BBS9: variants seen among roughly 807,000 people sequenced by gnomAD.
BBS9 encodes Bardet-Biedl syndrome 9, also known as protein PTHB1.
Under a neutral mutation model 117.7 loss-of-function variants are expected in BBS9, and 89 were observed. That is an observed-to-expected ratio of 0.76 (90% CI 0.64 to 0.90). The LOEUF (loss-of-function observed/expected upper bound fraction) is 0.90. Ranked by LOEUF, BBS9 falls within the 40% of genes least tolerant of loss-of-function variation. The probability of loss-of-function intolerance (pLI) is 0.00; values close to 1 mark genes in which losing one functional copy is unlikely to be tolerated. For missense variants in BBS9, 982 were observed against 1,042.2 expected, an observed-to-expected ratio of 0.94 and a Z score of 0.80; for synonymous variants, 379 against 370.9, an observed-to-expected ratio of 1.02 and a Z score of -0.25.
intron 19 of BBS9, among the ~76,000 whole-genome samples, chr7:33,401,062 A>C (rs140848503): frequency 6.6e-6 from 1 of 152,134 alleles, no homozygotes; most frequent in African/African-American, 2.4e-5. Context: ...TATGATTTCC[A>C]TATCTCTTAT....
At chr7:33,467,427 T>C (rs1022467910) in intron 19 of BBS9, among the ~76,000 whole-genome samples, 2 of 152,176 alleles carry the variant, frequency 1.3e-5, no homozygotes, top group African/African-American at 2.4e-5. Context: ...TTTAATTCAT[T>C]TGTGATTTCC....
intron 4 of BBS9, among the ~76,000 whole-genome samples, chr7:33,168,636 A>G (rs1796055766): frequency 6.6e-6 from 1 of 152,064 alleles, no homozygotes; most frequent in Non-Finnish European, 1.5e-5. Context: ...ACCACACAAG[A>G]TTTCCATAAA....
chr7:33,263,911 T>A (rs1208651896), intron 6 of BBS9, among the ~76,000 whole-genome samples: 1 of 152,144 alleles, frequency 6.6e-6, no homozygotes, highest in East Asian at 1.9e-4. Context: ...AGATTATGTA[T>A]TGATAATTTC....
intron 1 of BBS9, among the ~76,000 whole-genome samples, chr7:33,130,399 G>T (rs1789400034): frequency 6.6e-6 from 1 of 152,120 alleles, no homozygotes; most frequent in South Asian, 2.1e-4. Context: ...TCTAGTAATA[G>T]GATTATTGTT....
intron 9 of BBS9, among the ~76,000 whole-genome samples, chr7:33,286,909 G>C (rs964152532): frequency 6.6e-6 from 1 of 152,084 alleles, no homozygotes; most frequent in Non-Finnish European, 1.5e-5. Flanking sequence ...TATTTTCTTA[G>C]TTGCTTACTG....
At chr7:33,257,574 A>C (rs1797293341) in intron 6 of BBS9, among the ~76,000 whole-genome samples, 164 bp downstream of exon 6, 1 of 152,198 alleles carries the variant, frequency 6.6e-6, no homozygotes, top group Non-Finnish European at 1.5e-5. Flanking sequence ...CTATTGTAAA[A>C]TATTTGAAAG....
chr7:33,248,654 C>A (rs1795746677), intron 5 of BBS9, among the ~76,000 whole-genome samples: 1 of 152,118 alleles, frequency 6.6e-6, no homozygotes, highest in Non-Finnish European at 1.5e-5. Context: ...TTGTTCATAG[C>A]AAACATGTTG....
chr7:33,387,181 T>C (rs931023674), intron 18 of BBS9, among the ~76,000 whole-genome samples: 1 of 152,234 alleles, frequency 6.6e-6, no homozygotes, highest in Non-Finnish European at 1.5e-5. Context: ...AACAATTTTG[T>C]AATGGGTATC....
At position 33,534,649 on chromosome 7, in the gene BBS9, G is replaced by A. The variant is rs74654073; in HGVS notation, c.2521+473G>A. Among the ~76,000 whole-genome samples, 97 of 152,290 alleles carry A rather than the reference G, an allele frequency of 6.4e-4. 1 individual carries two copies. Among genetic ancestry groups the A allele is most frequent in the African/African-American group, 2.3e-3 (96 of 41,566 alleles). ...AAGTGAAAGATGAGGATCAAGAGAT[G>A]TGAGCAGGCTTCAGAGCCCAGGCAC... On this transcript the variant is annotated intron_variant, in intron 21 of 22. Coordinates refer to ENST00000242067, the MANE Select transcript of BBS9 (RefSeq NM_198428.3).
At chr7:33,395,113 A>G (rs901377834) in intron 19 of BBS9, among the ~76,000 whole-genome samples, 10 of 152,214 alleles carry the variant, frequency 6.6e-5, no homozygotes, top group Non-Finnish European at 1.5e-4. Context: ...CATGCTACGT[A>G]TATGTATATT....
chr7:33,236,956 C>T (rs190069869), intron 5 of BBS9, among the ~76,000 whole-genome samples: 45 of 152,044 alleles, frequency 3.0e-4, no homozygotes, highest in African/African-American at 1.1e-3. Flanking sequence ...CACATGCATA[C>T]ACATTATAAT....
chr7:33,587,715 G>A (rs1193751671), intron 21 of BBS9, among the ~76,000 whole-genome samples: 2 of 151,930 alleles, frequency 1.3e-5, no homozygotes, highest in Admixed American at 6.6e-5. Flanking sequence ...TAGAGATGGA[G>A]GTAAATGTGA....
chr7:33,478,687 G>A (rs898849202), intron 19 of BBS9, among the ~76,000 whole-genome samples: 1 of 151,990 alleles, frequency 6.6e-6, no homozygotes, highest in Non-Finnish European at 1.5e-5. Context: ...TACTTGAGAG[G>A]TGGTGCCAGG....
At chr7:33,182,708 A>G (rs967139322) in intron 5 of BBS9, among the ~76,000 whole-genome samples, 1 of 152,234 alleles carries the variant, frequency 6.6e-6, no homozygotes, top group African/African-American at 2.4e-5. Context: ...GATATATATA[A>G]ACATCACACA....
intron 5 of BBS9, among the ~76,000 whole-genome samples, chr7:33,178,399 C>T (rs865949430): frequency 1.5e-4 from 23 of 152,216 alleles, no homozygotes; most frequent in African/African-American, 5.5e-4. Context: ...ATTGTGTCCA[C>T]TCAGTCCCAG....
intron 19 of BBS9, among the ~76,000 whole-genome samples, chr7:33,408,694 T>C (rs1463837692): frequency 1.3e-5 from 2 of 152,160 alleles, no homozygotes; most frequent in African/African-American, 4.8e-5. Flanking sequence ...GTCTTTTTGG[T>C]AGAACAATTT....
At chr7:33,303,660 C>A (rs1272926451) in intron 9 of BBS9, among the ~76,000 whole-genome samples, 2 of 151,806 alleles carry the variant, frequency 1.3e-5, no homozygotes, top group African/African-American at 4.8e-5. Context: ...AGGCATGTGC[C>A]GCCACGCCTG....
At chr7:33,572,112 A>G (rs915971864) in intron 21 of BBS9, among the ~76,000 whole-genome samples, 3 of 151,970 alleles carry the variant, frequency 2.0e-5, no homozygotes, top group Admixed American at 6.6e-5. Flanking sequence ...CCCAGCCTCT[A>G]GTAACTGTCA....
chr7:33,631,991 G>A (rs932912719), intron 21 of BBS9, among the ~76,000 whole-genome samples: 2 of 152,142 alleles, frequency 1.3e-5, no homozygotes, highest in African/African-American at 4.8e-5. Flanking sequence ...ATCACAGAAA[G>A]GTATTGTATT....
Sources: gnomAD v4.1 joint callset for allele counts (sites outside exome capture counted in the v4.1 genomes callset) on GRCh38, gnomAD v4.1.1 for gene constraint, MANE v1.5 for transcripts, NCBI Gene and HGNC (gene_info 2026-07-23, HGNC 2026-07-21) for gene names.